Variants in PIK3CB observed in about 807,000 individuals in gnomAD.
PIK3CB encodes the protein phosphatidylinositol-4,5-bisphosphate 3-kinase catalytic subunit beta, also known as phosphatidylinositol 4,5-bisphosphate 3-kinase catalytic subunit beta isoform.
Under a neutral mutation model 136.8 loss-of-function variants are expected in PIK3CB, and 39 were observed. The ratio of observed to expected loss-of-function variants is 0.29; its 90% CI spans 0.22 to 0.37. The LOEUF is 0.37. PIK3CB is among the 10% of genes least tolerant of loss of function. PIK3CB has a pLI of 1.00. For synonymous variants in PIK3CB, 428 were observed against 436.6 expected (o/e 0.98, Z 0.25); for missense variants, 868 against 1,275.4 (o/e 0.68, Z 4.87).
chr3:138,678,449 T>C (rs892264471), intron 19 of PIK3CB, among the ~76,000 whole-genome samples: 3 of 151,386 alleles, frequency 2.0e-5, no homozygotes, highest in African/African-American at 7.3e-5. Flanking sequence ...ATCAATCCAA[T>C]AAAAGGAAAT....
At chr3:138,724,675 C>T (rs1486111887) in intron 8 of PIK3CB, among the ~76,000 whole-genome samples, 1 of 152,128 alleles carries the variant, frequency 6.6e-6, no homozygotes, top group African/African-American at 2.4e-5. Context: ...TCTATCATTA[C>T]CCAGATTCCA....
intron 2 of PIK3CB, among the ~76,000 whole-genome samples, chr3:138,794,905 C>A (rs185649509): frequency 6.0e-4 from 91 of 152,246 alleles, no homozygotes; most frequent in African/African-American, 2.0e-3. Flanking sequence ...CTGGGTGAGC[C>A]TGGTGGCTTA....
chr3:138,748,156 TACACACACAC>T (rs3071146), intron 4 of PIK3CB, among the ~76,000 whole-genome samples: 256 of 142,982 alleles, frequency 1.8e-3, no homozygotes, highest in African/African-American at 5.3e-3. Context: ...TTAGAAATCA[TACACACACAC>T]ACACACACAC....
intron 1 of PIK3CB, among the ~76,000 whole-genome samples, chr3:138,830,134 G>A (rs1933958164): frequency 6.6e-6 from 1 of 152,182 alleles, no homozygotes; most frequent in South Asian, 2.1e-4. Context: ...AAAAGTCAAA[G>A]AGAGTGAAGA....
chr3:138,785,963 T>A (rs1385791414), intron 2 of PIK3CB, among the ~76,000 whole-genome samples: 2 of 151,848 alleles, frequency 1.3e-5, no homozygotes, highest in South Asian at 4.1e-4. Flanking sequence ...TAGTTTACAA[T>A]AGGAAAAATG....
chr3:138,745,445 C>A (rs970658126), intron 4 of PIK3CB, among the ~76,000 whole-genome samples: 4 of 152,058 alleles, frequency 2.6e-5, no homozygotes, highest in Non-Finnish European at 5.9e-5. Flanking sequence ...CCAGCCTGGC[C>A]AACATGGGGA....
intron 2 of PIK3CB, among the ~76,000 whole-genome samples, chr3:138,779,563 T>C (rs1411016103): frequency 6.7e-6 from 1 of 149,038 alleles, no homozygotes; most frequent in Middle Eastern, 3.7e-3. Flanking sequence ...GGCTAATTTT[T>C]TGTATTTTTG....
chr3:138,767,921 G>C (rs776582378), intron 2 of PIK3CB, among the ~76,000 whole-genome samples: 1 of 152,152 alleles, frequency 6.6e-6, no homozygotes, highest in Non-Finnish European at 1.5e-5. Flanking sequence ...TCTCCTCTTC[G>C]CCTGCAATGC....
chr3:138,748,156 TAC>T (rs3071146), intron 4 of PIK3CB, among the ~76,000 whole-genome samples: 13,222 of 142,796 alleles, frequency 0.093, 813 homozygotes, highest in African/African-American at 0.18. Context: ...TTAGAAATCA[TAC>T]ACACACACAC....
At chr3:138,713,269 T>A (rs1040710976) in intron 9 of PIK3CB, among the ~76,000 whole-genome samples, 1 of 151,618 alleles carries the variant, frequency 6.6e-6, no homozygotes, top group Non-Finnish European at 1.5e-5. Flanking sequence ...CACCTCAGCC[T>A]CCCAAAGTGT....
chr3:138,692,490 G>A (rs748823501), intron 14 of PIK3CB, among the ~76,000 whole-genome samples: 20 of 152,146 alleles, frequency 1.3e-4, no homozygotes, highest in Non-Finnish European at 2.6e-4. Context: ...AAGCAACTGG[G>A]AATTCATTTT....
rs758527377 is a variant in PIK3CB at position 138,694,873 on chromosome 3, G to C, written c.1805C>G (p.Pro602Arg). ...QALLQIWPKL[P>R]PREALELLDF... ...CAGAAGCTCTAGGGCCTCCCGGGGG[G>C]GCAGTTTAGGCCAAATCTGAAGCAG... is the stretch of plus-strand genomic sequence containing the variant. Residue 602 changes from proline (P) to arginine (R), a missense_variant, in exon 14 of 24, where the codon CCC becomes CGC. By Grantham distance (103) the Pro-to-Arg change is moderately radical. Transcript: ENST00000674063. The C allele has an allele frequency of 1.2e-6, 2 of 1,611,144 alleles. No individual in the cohort carries two copies. The highest frequency in any genetic ancestry group is 1.1e-5 in the South Asian group (1 of 90,392).
intron 5 of PIK3CB, among the ~76,000 whole-genome samples, chr3:138,739,421 G>A (rs491371): frequency 0.55 from 83,540 of 151,328 alleles, 24,075 homozygotes; most frequent in East Asian, 0.99. Context: ...CCAGCCTGGC[G>A]ACAGAGCGAG....
chr3:138,723,148 T>C (rs1481572870), intron 8 of PIK3CB, among the ~76,000 whole-genome samples: 1 of 152,222 alleles, frequency 6.6e-6, no homozygotes, highest in African/African-American at 2.4e-5. Context: ...ATCCATCCTC[T>C]AAATTTGTAT....
At chr3:138,700,393 T>C (rs7619614) in intron 12 of PIK3CB, among the ~76,000 whole-genome samples, 1 of 152,010 alleles carries the variant, frequency 6.6e-6, no homozygotes, top group Admixed American at 6.6e-5. Context: ...AATACGCTGT[T>C]GTATCGGAAA....
intron 2 of PIK3CB, among the ~76,000 whole-genome samples, chr3:138,790,180 AAAG>A (rs1332330564): frequency 2.0e-5 from 3 of 152,206 alleles, no homozygotes; most frequent in African/African-American, 7.2e-5. Flanking sequence ...CTCAGGGACT[AAAG>A]AAGAGGGGGC....
chr3:138,733,297 G>A, intron 8 of PIK3CB, 64 bp downstream of exon 8: 1 of 682,296 alleles, frequency 1.5e-6, no homozygotes, highest in Admixed American at 2.3e-5. Flanking sequence ...ACATTATTGA[G>A]CATATCAGTG....
At chr3:138,731,111 C>A (rs1469455123) in intron 8 of PIK3CB, among the ~76,000 whole-genome samples, 1 of 152,114 alleles carries the variant, frequency 6.6e-6, no homozygotes, top group African/African-American at 2.4e-5. Flanking sequence ...ACAACCAAAA[C>A]CCCTTTAATT....
At position 138,759,229 on chromosome 3, in the gene PIK3CB, C is replaced by T. The variant is rs370148572; in HGVS notation, c.115G>A (p.Gly39Arg). 4 of 1,611,784 alleles carry T rather than the reference C, an allele frequency of 2.5e-6. No individual in the cohort carries two copies. In the African/African-American group the frequency reaches 5.3e-5, roughly 22 times the overall value. ...SIPVDFLLPT[G>R]IYIQLEVPRE... ...GGTACCTCCAACTGGATATAAATCCCAGTGGGCAAAAGGAAATCCACAGGT... is the reference window on the plus strand; with the variant it reads ...GGTACCTCCAACTGGATATAAATCCTAGTGGGCAAAAGGAAATCCACAGGT... The change falls in exon 3 of 24, where the codon GGG (glycine) becomes AGG (arginine). Residue 39 changes from glycine (G) to arginine (R), a missense_variant. Around this residue, in one of 4 missense-constraint regions of PIK3CB, gnomAD observed 612 missense variants for 801.1 expected, o/e 0.76. Coordinates refer to ENST00000674063, the MANE Select transcript of PIK3CB (RefSeq NM_006219.3).
Sources: allele counts gnomAD v4.1 joint callset (sites outside exome capture counted in the v4.1 genomes callset), GRCh38; gene constraint gnomAD v4.1.1; regional missense constraint gnomAD v4.1.1; transcripts MANE v1.5; gene names NCBI Gene and HGNC (gene_info 2026-07-23, HGNC 2026-07-21).